Variants in CLNK observed in about 807,000 individuals in gnomAD.
CLNK encodes the protein cytokine dependent hematopoietic cell linker, also known as cytokine-dependent hematopoietic cell linker.
CLNK carries 74 observed loss-of-function variants against 68.6 expected under a neutral mutation model. That is an observed-to-expected ratio of 1.08 (90% CI 0.89 to 1.31). The LOEUF (loss-of-function observed/expected upper bound fraction) is 1.31, where lower values mean the gene tolerates loss of function less well. Among genes scored for constraint, CLNK ranks in the 50% most tolerant of loss-of-function variants. CLNK has a pLI of 0.00. For missense variants in CLNK, 553 were observed against 515.3 expected (o/e 1.07, Z -0.71); for synonymous variants, 198 against 172.2 (o/e 1.15, Z -1.17).
At chr4:10,663,252 A>C (rs1724263417) in intron 2 of CLNK, among the ~76,000 whole-genome samples, 1 of 152,206 alleles carries the variant, frequency 6.6e-6, no homozygotes, top group African/African-American at 2.4e-5. Context: ...CTGAAGTTTA[A>C]TGGATTGCTA....
chr4:10,506,741 C>G (rs774799061), intron 17 of CLNK, among the ~76,000 whole-genome samples: 73 of 152,152 alleles, frequency 4.8e-4, no homozygotes, highest in Non-Finnish European at 9.6e-4. Flanking sequence ...TATTTAGAAA[C>G]CTGAGAAAGC....
intron 1 of CLNK, among the ~76,000 whole-genome samples, chr4:10,671,259 G>C (rs75415451): frequency 0.049 from 7,450 of 152,066 alleles, 419 homozygotes; most frequent in East Asian, 0.17. Flanking sequence ...GGTGGTGGGC[G>C]CCTATAATCC....
chr4:10,725,665 A>G, the CLNK span, among the ~76,000 whole-genome samples: 4 of 152,178 alleles, frequency 2.6e-5, no homozygotes, highest in Non-Finnish European at 5.9e-5. Context: ...CATCCTGGCT[A>G]ACATGGTGAA....
At chr4:10,557,877 T>G (rs1719737371) in intron 8 of CLNK, among the ~76,000 whole-genome samples, 1 of 152,146 alleles carries the variant, frequency 6.6e-6, no homozygotes, top group African/African-American at 2.4e-5. Flanking sequence ...CGGGGGAAAA[T>G]GATGAGAGAA....
At chr4:10,705,218 G>T in the CLNK span, among the ~76,000 whole-genome samples, 3 of 152,190 alleles carry the variant, frequency 2.0e-5, no homozygotes, top group Non-Finnish European at 4.4e-5. Flanking sequence ...CATTCCTTCT[G>T]CAGTAAGTGG....
At chr4:10,703,519 G>A in the CLNK span, among the ~76,000 whole-genome samples, 36 of 152,108 alleles carry the variant, frequency 2.4e-4, no homozygotes, top group Admixed American at 1.0e-3. Flanking sequence ...TAGTATAACC[G>A]AGAGGTACAG....
rs189246390 is a variant in CLNK at position 10,550,922 on chromosome 4, C to T, written c.445+7485G>A. Among the ~76,000 whole-genome samples, 3 of 152,282 alleles carry T rather than the reference C, an allele frequency of 2.0e-5. No individual in the cohort carries two copies. In the East Asian group the frequency reaches 5.8e-4, roughly 29 times the overall value. On this transcript the variant is annotated intron_variant, in intron 8 of 18. Coordinates refer to ENST00000226951, the MANE Select transcript of CLNK (RefSeq NM_052964.4). ...AAAATAAGGGTGACTTGAACCTAAG[C>T]ACTGAGATTCCACGCAGCGAATCTG...
At chr4:10,633,272 T>C (rs1722957752) in intron 2 of CLNK, among the ~76,000 whole-genome samples, 1 of 152,208 alleles carries the variant, frequency 6.6e-6, no homozygotes, top group African/African-American at 2.4e-5. Context: ...CTTTCCCTGC[T>C]AGAATCAAAG....
chr4:10,584,875 C>G, intron 4 of CLNK, 52 bp downstream of exon 4: 3 of 1,582,220 alleles, frequency 1.9e-6, no homozygotes, highest in Non-Finnish European at 2.6e-6. Context: ...AACAGCCCAA[C>G]AGACCCATGC....
chr4:10,562,842 G>T (rs1045756535), intron 7 of CLNK, among the ~76,000 whole-genome samples: 1 of 152,092 alleles, frequency 6.6e-6, no homozygotes, highest in Middle Eastern at 3.4e-3. Context: ...TGTCTATTGT[G>T]CATTTATTTA....
chr4:10,568,713 G>A (rs1041009890), intron 5 of CLNK, among the ~76,000 whole-genome samples: 5 of 152,166 alleles, frequency 3.3e-5, no homozygotes, highest in Admixed American at 2.0e-4. Context: ...GAAACAACCC[G>A]AAAGAATCTG....
intron 11 of CLNK, among the ~76,000 whole-genome samples, chr4:10,537,702 C>CTTTCTTTCTTTCTTTCTTT (rs1288379203): frequency 0.016 from 364 of 23,030 alleles, 11 homozygotes; most frequent in Middle Eastern, 0.025. Context: ...TTCCTTCCTT[C>CTTTCTTTCTTTCTTTCTTT]CTTCCTTTCT....
chr4:10,663,917 A>C (rs1028605226), intron 2 of CLNK, among the ~76,000 whole-genome samples: 1 of 152,214 alleles, frequency 6.6e-6, no homozygotes, highest in African/African-American at 2.4e-5. Flanking sequence ...GTGAAGACAC[A>C]GCAAGCAGAC....
chr4:10,729,961 A>C, the CLNK span, among the ~76,000 whole-genome samples: 1 of 152,214 alleles, frequency 6.6e-6, no homozygotes, highest in African/African-American at 2.4e-5. Flanking sequence ...TTTTTGAAAA[A>C]CAAATGGATT....
the CLNK span, among the ~76,000 whole-genome samples, chr4:10,714,583 A>T: frequency 6.6e-6 from 1 of 152,176 alleles, no homozygotes; most frequent in East Asian, 1.9e-4. Flanking sequence ...TTTGATTTAA[A>T]CAAATCATAG....
chr4:10,634,294 T>C (rs1722997707), intron 2 of CLNK, among the ~76,000 whole-genome samples: 1 of 152,206 alleles, frequency 6.6e-6, no homozygotes, highest in African/African-American at 2.4e-5. Context: ...AGGAGACACC[T>C]GGGTGGTCAT....
In CLNK at chr4:10,488,623, G is replaced by C. The variant is rs945441593; in HGVS notation, c.*1844C>G. 2 of 152,132 alleles carry C rather than the reference G, an allele frequency of 1.3e-5. No individual in the cohort carries two copies. Among genetic ancestry groups the C allele is most frequent in the African/African-American group, 4.8e-5 (2 of 41,422 alleles). 9.4% of individuals were successfully genotyped at this position (152,132 alleles called of 1,614,324 possible). ...GCATACTCTACGATAGGCTCAGCTG[G>C]GTCTCAAAAGTTCCAGCTTTACAAA... On this transcript the variant is annotated 3_prime_UTR_variant, in exon 19 of 19. Coordinates refer to ENST00000226951, the MANE Select transcript of CLNK (RefSeq NM_052964.4).
At chr4:10,551,915 T>C (rs1442081541) in intron 8 of CLNK, among the ~76,000 whole-genome samples, 3 of 151,722 alleles carry the variant, frequency 2.0e-5, no homozygotes, top group African/African-American at 4.8e-5. Context: ...GGGCATGATG[T>C]CGTCTCACTG....
At chr4:10,500,790 G>A (rs973130907) in intron 18 of CLNK, among the ~76,000 whole-genome samples, 2 of 152,208 alleles carry the variant, frequency 1.3e-5, no homozygotes, top group Admixed American at 6.5e-5. Flanking sequence ...TCACTCTTTC[G>A]CCTCCATCAG....
Sources: allele counts gnomAD v4.1 joint callset (sites outside exome capture counted in the v4.1 genomes callset), GRCh38; gene constraint gnomAD v4.1.1; transcripts MANE v1.5; gene names NCBI Gene and HGNC (gene_info 2026-07-23, HGNC 2026-07-21).